HEATR5A: variants seen among roughly 807,000 people sequenced by gnomAD.
HEATR5A encodes the protein HEAT repeat containing 5A.
HEATR5A carries 178 observed loss-of-function variants against 218.8 expected under a neutral mutation model. That is an observed-to-expected ratio of 0.81 (90% CI 0.72 to 0.92). HEATR5A has a LOEUF of 0.92. Ranked by LOEUF, HEATR5A falls within the 40% of genes least tolerant of loss-of-function variation. HEATR5A has a pLI of 0.00. For synonymous variants in HEATR5A, 864 were observed against 871.6 expected (o/e 0.99, Z 0.15); for missense variants, 2,420 against 2,418.9 (o/e 1.00, Z -0.01).
At chr14:31,321,406 T>A in intron 25 of HEATR5A, 93 bp downstream of exon 25, 1 of 987,330 alleles carries the variant, frequency 1.0e-6, no homozygotes, top group Non-Finnish European at 1.4e-6. Context: ...CCTCCCGAAG[T>A]GCTGGGATTA....
At chr14:31,393,042 A>G (rs529986495) in intron 6 of HEATR5A, among the ~76,000 whole-genome samples, 1 of 152,146 alleles carries the variant, frequency 6.6e-6, no homozygotes, top group East Asian at 1.9e-4. Context: ...AATACAATAA[A>G]CTACAAGTAT....
At chr14:31,327,317 C>T (rs1447109859) in intron 22 of HEATR5A, among the ~76,000 whole-genome samples, 4 of 100,392 alleles carry the variant, frequency 4.0e-5, no homozygotes, top group African/African-American at 7.9e-5. Flanking sequence ...TTTTTGAGAC[C>T]GAGTCTTGCT....
rs1175353013 is a variant in HEATR5A, at chr14:31,324,296, T to C, written c.3548-492A>G. On this transcript the variant is annotated intron_variant, in intron 23 of 35. Transcript: ENST00000543095. ...ATTTTTCTTAGGATAGACTCATTGC[T>C]ACCATTACAGTATCAAAGGTGTAAT... 1.3e-5 allele frequency among the ~76,000 whole-genome samples: 2 copies of C among 152,212 alleles called. 1 individual carries two copies. Among genetic ancestry groups the C allele is most frequent in the East Asian group, 3.8e-4 (2 of 5,200 alleles).
At chr14:31,377,060 G>A (rs578119432) in intron 11 of HEATR5A, among the ~76,000 whole-genome samples, 1 of 151,268 alleles carries the variant, frequency 6.6e-6, no homozygotes, top group South Asian at 2.1e-4. Flanking sequence ...GGCATTCAAG[G>A]CTGCAGTGAG....
intron 11 of HEATR5A, among the ~76,000 whole-genome samples, chr14:31,379,516 C>A (rs555540317): frequency 6.6e-6 from 1 of 152,148 alleles, no homozygotes; most frequent in East Asian, 1.9e-4. Context: ...TCCCAAAGTG[C>A]GGGGATTACA....
At chr14:31,312,893 G>A (rs1899802190) in intron 28 of HEATR5A, 75 bp downstream of exon 28, 1 of 1,276,770 alleles carries the variant, frequency 7.8e-7, no homozygotes, top group Non-Finnish European at 1.1e-6. Flanking sequence ...GTAAGACCCT[G>A]TCAAAAACAA....
intron 22 of HEATR5A, among the ~76,000 whole-genome samples, chr14:31,333,359 G>A (rs996423923): frequency 3.3e-5 from 5 of 151,706 alleles, no homozygotes; most frequent in Admixed American, 1.3e-4. Context: ...AGCTATTCTC[G>A]TGCCTCAGTC....
intron 10 of HEATR5A, among the ~76,000 whole-genome samples, chr14:31,381,432 CA>C (rs2139273359): frequency 6.6e-6 from 1 of 151,850 alleles, no homozygotes; most frequent in South Asian, 2.1e-4. Context: ...CCTGTAATCC[CA>C]ACGACTCAGA....
intron 4 of HEATR5A, among the ~76,000 whole-genome samples, chr14:31,396,912 T>C (rs2030676467): frequency 6.6e-6 from 1 of 152,162 alleles, no homozygotes; most frequent in African/African-American, 2.4e-5. Flanking sequence ...GCCTAAAAAG[T>C]GTTAGAACTT....
chr14:31,310,689 CT>C (rs908519599), intron 28 of HEATR5A, among the ~76,000 whole-genome samples: 3 of 151,886 alleles, frequency 2.0e-5, no homozygotes, highest in African/African-American at 7.3e-5. Flanking sequence ...TTTTTTTCCA[CT>C]TAACATTATG....
chr14:31,305,958 A>G (rs1899542863), intron 31 of HEATR5A, among the ~76,000 whole-genome samples: 1 of 152,216 alleles, frequency 6.6e-6, no homozygotes, highest in African/African-American at 2.4e-5. Context: ...GCCAACTATA[A>G]TCTTAAGTGG....
intron 10 of HEATR5A, among the ~76,000 whole-genome samples, chr14:31,381,130 C>T (rs897174969): frequency 3.9e-5 from 6 of 152,108 alleles, no homozygotes; most frequent in African/African-American, 1.4e-4. Context: ...TGCCTGTAGT[C>T]CCAGCTACTC....
chr14:31,396,696 C>T (rs2030667428), intron 4 of HEATR5A, among the ~76,000 whole-genome samples: 1 of 152,106 alleles, frequency 6.6e-6, no homozygotes, highest in Admixed American at 6.6e-5. Flanking sequence ...TTCTTTTATT[C>T]CAGTTCCAAA....
At chr14:31,393,983 A>G in intron 6 of HEATR5A, 69 bp downstream of exon 6, 1 of 1,013,092 alleles carries the variant, frequency 9.9e-7, no homozygotes, top group South Asian at 1.6e-5. Flanking sequence ...ATAACACTAT[A>G]CATATTTGTT....
intron 1 of HEATR5A, among the ~76,000 whole-genome samples, chr14:31,405,078 A>AAG (rs55776187): frequency 2.7e-5 from 4 of 149,280 alleles, no homozygotes; most frequent in Admixed American, 2.7e-4. Context: ...AAAAAAAAAA[A>AAG]GACGAAAGAG....
rs1269774343 is a variant in HEATR5A, at chr14:31,337,657, T to C, written c.3229-43A>G. 1.3e-5 allele frequency: 20 copies of C among 1,569,314 alleles called. No individual in the cohort carries two copies. In the East Asian group the frequency reaches 3.5e-4, roughly 27 times the overall value. On this transcript the variant is annotated intron_variant, in intron 21 of 35. Transcript: ENST00000543095. ...AGGAACGACAGAGCTAAAATTCTTG[T>C]TGGCACTCAGTGAGTCTAATAGATA...
chr14:31,311,617 A>C (rs1158287697), intron 28 of HEATR5A, among the ~76,000 whole-genome samples: 1 of 152,162 alleles, frequency 6.6e-6, no homozygotes, highest in Non-Finnish European at 1.5e-5. Context: ...GACAAGTTAC[A>C]GACTGAGAGA....
At chr14:31,374,197 T>C (rs1902141429) in intron 12 of HEATR5A, among the ~76,000 whole-genome samples, 1 of 151,386 alleles carries the variant, frequency 6.6e-6, no homozygotes. Flanking sequence ...TCTCAGCTAC[T>C]TGGGAGGCTG....
At chr14:31,295,269 A>G (rs1311828416) in intron 34 of HEATR5A, among the ~76,000 whole-genome samples, 1 of 151,984 alleles carries the variant, frequency 6.6e-6, no homozygotes, top group Non-Finnish European at 1.5e-5. Context: ...TTTTTGAGAC[A>G]GCGTCTGGCT....
Sources: allele counts gnomAD v4.1 joint callset (sites outside exome capture counted in the v4.1 genomes callset), GRCh38; gene constraint gnomAD v4.1.1; transcripts MANE v1.5; gene names NCBI Gene and HGNC (gene_info 2026-07-23, HGNC 2026-07-21).